Variants in PARD3 observed in about 807,000 individuals in gnomAD.
PARD3 encodes partitioning defective 3 homolog.
PARD3 carries 75 observed loss-of-function variants against 155.4 expected under a neutral mutation model. The observed-to-expected ratio is 0.48, with a 90% CI of 0.40 to 0.58. The LOEUF is 0.58. Among genes scored for constraint, PARD3 ranks in the 20% least tolerant of loss-of-function variants. PARD3 has a pLI of 0.00. For missense variants in PARD3, 1,642 were observed against 1,721.7 expected, an observed-to-expected ratio of 0.95 and a Z score of 0.82; for synonymous variants, 576 against 610.5, an observed-to-expected ratio of 0.94 and a Z score of 0.83.
chr10:34,421,626 G>T (rs1021727272), intron 5 of PARD3, among the ~76,000 whole-genome samples: 22 of 152,116 alleles, frequency 1.4e-4, no homozygotes, highest in Non-Finnish European at 2.8e-4. Context: ...TCTTATTTGT[G>T]AATTCAGAGA....
chr10:34,717,869 C>T (rs1355691543), intron 1 of PARD3, among the ~76,000 whole-genome samples: 3 of 152,150 alleles, frequency 2.0e-5, no homozygotes, highest in Middle Eastern at 3.4e-3. Flanking sequence ...ATATTAATTT[C>T]GGGGCCAAGC....
At chr10:34,238,791 T>C (rs1424307556) in intron 22 of PARD3, among the ~76,000 whole-genome samples, 1 of 152,156 alleles carries the variant, frequency 6.6e-6, no homozygotes, top group Non-Finnish European at 1.5e-5. Context: ...GAGTAACTCA[T>C]AAAATGGAGG....
chr10:34,507,734 C>T (rs933385438), intron 3 of PARD3, among the ~76,000 whole-genome samples: 7 of 152,060 alleles, frequency 4.6e-5, no homozygotes, highest in Non-Finnish European at 8.8e-5. Flanking sequence ...AATTTTGTAT[C>T]CCATCTCCAA....
intron 15 of PARD3, chr10:34,345,294 AG>A: frequency 1.0e-6 from 1 of 985,404 alleles, no homozygotes; most frequent in Non-Finnish European, 1.2e-6. Flanking sequence ...GCCTTTCGCC[AG>A]GGATGTGTTC....
At chr10:34,366,174 G>A (rs773649020) in intron 12 of PARD3, among the ~76,000 whole-genome samples, 16 of 152,144 alleles carry the variant, frequency 1.1e-4, no homozygotes, top group Non-Finnish European at 2.1e-4. Flanking sequence ...ACAATGTTTC[G>A]ACTTAATGAT....
chr10:34,641,771 G>A (rs2092686211), intron 2 of PARD3, among the ~76,000 whole-genome samples: 1 of 152,218 alleles, frequency 6.6e-6, no homozygotes, highest in South Asian at 2.1e-4. Context: ...CTGGCTGGGA[G>A]GCATGCGCCT....
intron 22 of PARD3, among the ~76,000 whole-genome samples, chr10:34,245,507 G>C (rs1311309296): frequency 1.3e-5 from 2 of 152,090 alleles, no homozygotes; most frequent in Non-Finnish European, 2.9e-5. Flanking sequence ...GGGATCAAGG[G>C]GGCTGAGACA....
chr10:34,172,514 T>C (rs1200788457), intron 22 of PARD3, among the ~76,000 whole-genome samples: 1 of 151,958 alleles, frequency 6.6e-6, no homozygotes, highest in Non-Finnish European at 1.5e-5. Context: ...TGCACGTGTG[T>C]TATTTAGGGA....
chr10:34,200,073 T>C (rs1341498041), intron 22 of PARD3, among the ~76,000 whole-genome samples: 5 of 152,242 alleles, frequency 3.3e-5, no homozygotes. Context: ...TTGTGAGCTA[T>C]GATCATGTAG....
intron 2 of PARD3, among the ~76,000 whole-genome samples, chr10:34,542,991 G>C (rs1359714940): frequency 6.6e-6 from 1 of 152,150 alleles, no homozygotes; most frequent in Non-Finnish European, 1.5e-5. Context: ...TGTTAGGATT[G>C]ACTTAAAAAA....
intron 22 of PARD3, among the ~76,000 whole-genome samples, chr10:34,229,933 T>C (rs976209757): frequency 6.6e-6 from 1 of 152,150 alleles, no homozygotes; most frequent in Non-Finnish European, 1.5e-5. Flanking sequence ...GAACTATTCA[T>C]CTAGCTTTTG....
intron 1 of PARD3, among the ~76,000 whole-genome samples, chr10:34,759,547 T>C (rs911489840): frequency 2.0e-5 from 3 of 152,170 alleles, no homozygotes; most frequent in African/African-American, 4.8e-5. Context: ...ATGATGCACA[T>C]AGCAATCAAA....
intron 23 of PARD3, among the ~76,000 whole-genome samples, chr10:34,124,518 CT>C (rs1947174266): frequency 6.6e-6 from 1 of 152,170 alleles, no homozygotes; most frequent in Non-Finnish European, 1.5e-5. Context: ...TATGTACAAC[CT>C]TTAATCAAAA....
intron 2 of PARD3, among the ~76,000 whole-genome samples, chr10:34,649,691 C>T (rs915997735): frequency 2.6e-5 from 4 of 152,232 alleles, no homozygotes; most frequent in African/African-American, 4.8e-5. Context: ...GCTTAGGCTA[C>T]ACTACATTTT....
chr10:34,461,885 A>C (rs1394643719), intron 4 of PARD3, among the ~76,000 whole-genome samples: 1 of 152,148 alleles, frequency 6.6e-6, no homozygotes, highest in Non-Finnish European at 1.5e-5. Context: ...CAAGCTCCAA[A>C]ATTTTATCAA....
intron 2 of PARD3, among the ~76,000 whole-genome samples, chr10:34,612,737 A>G (rs2091002533): frequency 6.6e-6 from 1 of 152,240 alleles, no homozygotes; most frequent in South Asian, 2.1e-4. Flanking sequence ...GACACAATGA[A>G]TAAAAACCAC....
At position 34,249,153 on chromosome 10, in the gene PARD3, T is replaced by G. The variant is rs184066919; in HGVS notation, c.3419+20504A>C. ...GAATATACTTACACTTCTGAATACA[T>G]ATACATCTACATCTACCAAATTTTT... On this transcript the variant is annotated intron_variant, in intron 22 of 24. Transcript: ENST00000374788. Among the ~76,000 whole-genome samples the G allele has an allele frequency of 3.1e-3, 475 of 152,250 alleles. 2 individuals carry two copies. The highest frequency in any genetic ancestry group is 3.2e-3 in the Non-Finnish European group (217 of 68,026).
At chr10:34,730,840 G>A (rs538863537) in intron 1 of PARD3, among the ~76,000 whole-genome samples, 1 of 152,324 alleles carries the variant, frequency 6.6e-6, no homozygotes, top group South Asian at 2.1e-4. Context: ...ATTAGGTCCT[G>A]CAAAGCGAGT....
intron 2 of PARD3, among the ~76,000 whole-genome samples, chr10:34,585,909 G>C (rs939361676): frequency 2.6e-5 from 4 of 152,122 alleles, no homozygotes; most frequent in African/African-American, 9.7e-5. Flanking sequence ...CTCGGATATG[G>C]TGTCATCAAT....
Sources: gnomAD v4.1 joint callset for allele counts (sites outside exome capture counted in the v4.1 genomes callset) on GRCh38, gnomAD v4.1.1 for gene constraint, MANE v1.5 for transcripts, NCBI Gene and HGNC (gene_info 2026-07-23, HGNC 2026-07-21) for gene names.